EIF2AK2: variants seen among roughly 807,000 people sequenced by gnomAD.
The protein encoded by EIF2AK2 is eukaryotic translation initiation factor 2 alpha kinase 2.
Under a neutral mutation model 70.5 loss-of-function variants are expected in EIF2AK2, and 40 were observed. The ratio of observed to expected loss-of-function variants is 0.57; its 90% CI spans 0.44 to 0.74. EIF2AK2 has a LOEUF of 0.74. Among genes scored for constraint, EIF2AK2 ranks in the 30% least tolerant of loss-of-function variants. The pLI, the probability that EIF2AK2 is intolerant of heterozygous loss-of-function variation, is 0.00. For missense variants in EIF2AK2, 555 were observed against 644.3 expected (o/e 0.86, Z 1.50); for synonymous variants, 198 against 220.9 (o/e 0.90, Z 0.92).
chr2:37,134,387 G>T (rs1272854116), intron 10 of EIF2AK2, among the ~76,000 whole-genome samples: 3 of 152,090 alleles, frequency 2.0e-5, no homozygotes. Flanking sequence ...CAATGCAACC[G>T]CATTATCATT....
intron 13 of EIF2AK2, 114 bp downstream of exon 13, chr2:37,119,845 G>C (rs1344501992): frequency 3.7e-6 from 2 of 540,724 alleles, no homozygotes; most frequent in East Asian, 1.0e-4. Flanking sequence ...GCCTGCCTCA[G>C]CCTCCCAAAG....
rs1673851128 is a variant in EIF2AK2 at position 37,102,506 on chromosome 2, T to C, written c.*4767A>G. The C allele has an allele frequency of 6.6e-6, 1 of 151,844 alleles. No homozygotes were observed. The highest frequency in any genetic ancestry group is 1.5e-5 in the Non-Finnish European group (1 of 68,038). 9.4% of individuals were successfully genotyped at this position (151,844 alleles called of 1,614,324 possible). A position where few individuals can be genotyped will look rare whatever the true frequency, so the allele number is the denominator to read the frequency against. On this transcript the variant is annotated 3_prime_UTR_variant, in exon 17 of 17. Transcript: ENST00000233057. ...TGGGGACTGCATATTGTGAGTTATG[T>C]CTCTAGTTAGTTAACAGATAGTAGA...
At position 37,126,268 on chromosome 2, in the gene EIF2AK2, AT is replaced by A. The variant is rs1443768502; in HGVS notation, c.908+20del. On this transcript the variant is annotated intron_variant, in intron 11 of 16. Transcript: ENST00000233057. ...TCAGCGTACCTTGCCATTCAAAAAAATGTAAACATTTACTACTTACTCGTTA... is the reference window on the plus strand; with the variant it reads ...TCAGCGTACCTTGCCATTCAAAAAAAGTAAACATTTACTACTTACTCGTTA... 9 of 1,561,588 alleles carry A rather than the reference AT, an allele frequency of 5.8e-6. No individual in the cohort carries two copies. Among genetic ancestry groups the A allele is most frequent in the African/African-American group, 5.5e-5 (4 of 72,458 alleles).
At chr2:37,123,320 G>A (rs1244798511) in intron 11 of EIF2AK2, among the ~76,000 whole-genome samples, 1 of 151,962 alleles carries the variant, frequency 6.6e-6, no homozygotes. Context: ...AGGTTGGAGT[G>A]CAGTGGCACA....
At chr2:37,108,879 A>C (rs935686786) in intron 15 of EIF2AK2, among the ~76,000 whole-genome samples, 2 of 152,030 alleles carry the variant, frequency 1.3e-5, no homozygotes. Context: ...AGGCTTGTTT[A>C]TTTTTGCAAC....
intron 11 of EIF2AK2, among the ~76,000 whole-genome samples, chr2:37,125,892 C>A (rs189149203): frequency 5.9e-5 from 9 of 152,330 alleles, no homozygotes; most frequent in Admixed American, 5.9e-4. Context: ...ATCTCTGGAT[C>A]TTAGTTTCCT....
chr2:37,109,718 A>G (rs930749166), intron 14 of EIF2AK2, among the ~76,000 whole-genome samples: 1 of 152,278 alleles, frequency 6.6e-6, no homozygotes, highest in Non-Finnish European at 1.5e-5. Flanking sequence ...GCATATTCAT[A>G]CAATGGACTA....
chr2:37,117,276 G>A (rs1674379541), intron 13 of EIF2AK2, among the ~76,000 whole-genome samples: 1 of 151,230 alleles, frequency 6.6e-6, no homozygotes. Flanking sequence ...GGTGGCTCAT[G>A]CCTGTAATCC....
chr2:37,146,156 T>C (rs138789877), intron 4 of EIF2AK2, among the ~76,000 whole-genome samples: 147 of 152,308 alleles, frequency 9.7e-4, no homozygotes, highest in African/African-American at 3.2e-3. Flanking sequence ...CAGTATTCAG[T>C]ACAATAATAT....
intron 10 of EIF2AK2, among the ~76,000 whole-genome samples, chr2:37,132,237 G>A (rs370596194): frequency 1.7e-4 from 26 of 151,580 alleles, no homozygotes; most frequent in African/African-American, 4.9e-4. Flanking sequence ...TACTCACAGC[G>A]GGGGCACAAT....
At chr2:37,155,534 G>T (rs1466409870) in intron 1 of EIF2AK2, among the ~76,000 whole-genome samples, 1 of 152,108 alleles carries the variant, frequency 6.6e-6, no homozygotes. Context: ...GCTAGTATGG[G>T]CTTGCCACTC....
intron 9 of EIF2AK2, 87 bp downstream of exon 9, chr2:37,136,896 T>G: frequency 8.1e-7 from 1 of 1,232,090 alleles, no homozygotes; most frequent in Non-Finnish European, 1.1e-6. Flanking sequence ...AATAAGGGTG[T>G]ACAATACTCT....
chr2:37,112,686 C>A lies in EIF2AK2; in HGVS notation c.1377+2045G>T, dbSNP rs979069317. On this transcript the variant is annotated intron_variant, in intron 14 of 16. Coordinates refer to ENST00000233057, the MANE Select transcript of EIF2AK2 (RefSeq NM_001135651.3). ...TATAAAATAAATTAAGGAAACAGAA[C>A]AAAGTCCAGAAACACATCTATGAAT... is the stretch of plus-strand genomic sequence containing the variant. Among the ~76,000 whole-genome samples the A allele has an allele frequency of 2.6e-5, 4 of 152,022 alleles. No individual in the cohort carries two copies. The East Asian group carries it at 7.7e-4, about 29-fold the overall frequency.
At chr2:37,144,373 A>AAAG in intron 4 of EIF2AK2, among the ~76,000 whole-genome samples, 1 of 151,670 alleles carries the variant, frequency 6.6e-6, no homozygotes, top group East Asian at 1.9e-4. Flanking sequence ...TTAAAAAAAA[A>AAAG]AAAGTAAACT....
At chr2:37,142,159 G>A (rs1275168632) in intron 4 of EIF2AK2, among the ~76,000 whole-genome samples, 1 of 151,888 alleles carries the variant, frequency 6.6e-6, no homozygotes, top group African/African-American at 2.4e-5. Flanking sequence ...CAGACAGGGT[G>A]TCACTTTGTC....
At chr2:37,113,525 G>A in intron 14 of EIF2AK2, among the ~76,000 whole-genome samples, 1 of 140,710 alleles carries the variant, frequency 7.1e-6, no homozygotes, top group Admixed American at 7.1e-5. Context: ...AAAAAAAGCT[G>A]CAGTACCACA....
In EIF2AK2 at chr2:37,141,701, C is replaced by T. The variant is rs1195182509; in HGVS notation, c.241G>A (p.Ala81Thr). 1 of 1,592,814 alleles carries T rather than the reference C, an allele frequency of 6.3e-7. No homozygotes were observed. The highest frequency in any genetic ancestry group is 8.5e-7 in the Non-Finnish European group (1 of 1,172,946). Reference protein sequence around the residue: ...AVEILNKEKKAVSPLLLTTTN... With the variant: ...AVEILNKEKKTVSPLLLTTTN... The stretch of plus-strand genomic sequence containing the variant: ...GTTGTCAATAATAAAGGACTAACTG[C>T]CTACAAAGAAAAAAAATTCCTGTTT... Residue 81 changes from alanine (A) to threonine (T), a missense_variant and splice_region_variant, in exon 5 of 17, where the codon GCA (alanine) becomes ACA (threonine). This residue lies in a region of EIF2AK2 where 208 missense variants were observed against 191.8 expected (regional missense o/e 1.08). Transcript: ENST00000233057.
At chr2:37,135,193 T>C (rs1051644527) in intron 10 of EIF2AK2, among the ~76,000 whole-genome samples, 1 of 152,152 alleles carries the variant, frequency 6.6e-6, no homozygotes, top group African/African-American at 2.4e-5. Flanking sequence ...TCTCAACCAA[T>C]TGGGCCTAGT....
At position 37,148,753 on chromosome 2, in the gene EIF2AK2, T is replaced by C. The variant is rs543166142; in HGVS notation, c.-17+104A>G. On this transcript the variant is annotated intron_variant, in intron 2 of 16. Transcript: ENST00000233057. ...TTGAGGATTTACAGAAGTCGTGTTGTGACCCATTTAACATACACAAAAAAC... is the reference window on the plus strand; with the variant it reads ...TTGAGGATTTACAGAAGTCGTGTTGCGACCCATTTAACATACACAAAAAAC... The C allele has an allele frequency of 1.6e-3, 1,352 of 836,696 alleles. 22 individuals are homozygous for C. The South Asian group carries it at 0.017, about 10-fold the overall frequency. The allele number at this position is 836,696 out of a possible 1,614,324, so 51.8% of individuals were successfully genotyped here. A position where few individuals can be genotyped will look rare whatever the true frequency, so the allele number is the denominator to read the frequency against.
Sources: gnomAD v4.1 joint callset for allele counts (sites outside exome capture counted in the v4.1 genomes callset) on GRCh38, gnomAD v4.1.1 for gene constraint, gnomAD v4.1.1 regional missense constraint, MANE v1.5 for transcripts, NCBI Gene and HGNC (gene_info 2026-07-23, HGNC 2026-07-21) for gene names.